The following ATM variants were observed in gnomAD, a reference collection of about 807,000 sequenced individuals.
ATM encodes the protein ATM serine/threonine kinase.
A neutral mutation model predicts 387.0 loss-of-function variants in ATM; 308 were observed. That is an observed-to-expected ratio of 0.80 (90% CI 0.73 to 0.87). The LOEUF (loss-of-function observed/expected upper bound fraction) is 0.87. Among genes scored for constraint, ATM ranks in the 40% least tolerant of loss-of-function variants. ATM has a pLI of 0.00. For synonymous variants in ATM, 1,156 were observed against 1,187.3 expected (o/e 0.97, Z 0.54); for missense variants, 3,312 against 3,560.9 (o/e 0.93, Z 1.78).
At chr11:108,341,556 GCTTC>G (rs754885741) in intron 56 of ATM, among the ~76,000 whole-genome samples, 1 of 152,014 alleles carries the variant, frequency 6.6e-6, no homozygotes, top group Non-Finnish European at 1.5e-5. Context: ...TTAATCAAAT[GCTTC>G]CTTAAGACAC....
chr11:108,349,581 T>G (rs1284118206), intron 59 of ATM, among the ~76,000 whole-genome samples: 1 of 152,078 alleles, frequency 6.6e-6, no homozygotes, highest in Non-Finnish European at 1.5e-5. Context: ...GAGAATCACT[T>G]GAACCCAGGA....
At chr11:108,243,075 G>A (rs1281793315) in intron 5 of ATM, among the ~76,000 whole-genome samples, 7 of 151,784 alleles carry the variant, frequency 4.6e-5, no homozygotes, top group Non-Finnish European at 8.8e-5. Flanking sequence ...CCAATCAGTT[G>A]GGTGTGGTGG....
At chr11:108,272,914 A>G in intron 22 of ATM, 62 bp downstream of exon 22, 1 of 1,600,706 alleles carries the variant, frequency 6.2e-7, no homozygotes, top group South Asian at 1.1e-5. Flanking sequence ...AATGTCTTAC[A>G]TAGTAACAGC....
chr11:108,356,963 A>T (rs2090020532), intron 61 of ATM, among the ~76,000 whole-genome samples: 1 of 152,240 alleles, frequency 6.6e-6, no homozygotes, highest in South Asian at 2.1e-4. Flanking sequence ...GAATAGGAAC[A>T]GCTCCGGTAT....
In ATM at chr11:108,282,708, A is replaced by G. The variant is rs887358871; in HGVS notation, c.3577-2A>G. ...AACACATTGACTTTTTGGTTCGTGC[A>G]GGTTTTAGAGAAAGTTTCTGAAACT... On this transcript the variant is annotated splice_acceptor_variant, in intron 24 of 62. Coordinates refer to ENST00000675843, the MANE Select transcript of ATM (RefSeq NM_000051.4). LOFTEE classifies it high-confidence loss of function. 1 of 1,612,730 alleles carries G rather than the reference A, an allele frequency of 6.2e-7. No homozygotes were observed.
chr11:108,335,790 T>C, intron 55 of ATM, 55 bp from the exon 56 acceptor site: 1 of 1,427,362 alleles, frequency 7.0e-7, no homozygotes, highest in Non-Finnish European at 9.8e-7. Flanking sequence ...GATGACTCTG[T>C]GTTTTTATAA....
chr11:108,246,555 G>A (rs1266527499), intron 7 of ATM, among the ~76,000 whole-genome samples: 1 of 152,224 alleles, frequency 6.6e-6, no homozygotes, highest in African/African-American at 2.4e-5. Flanking sequence ...AAAGATGACT[G>A]AAATGGTGAG....
Position 108,322,521 on chromosome 11 carries a change from G to A in ATM, c.6572+1101G>A, listed in dbSNP as rs895547166. Among the ~76,000 whole-genome samples the A allele has an allele frequency of 6.3e-4, 96 of 152,188 alleles. 4 individuals are homozygous for A. Among genetic ancestry groups the A allele is most frequent in the Non-Finnish European group, 1.5e-5 (1 of 68,030 alleles). Reference sequence around the variant, plus strand: ...AACATTCAGTGGATAGTGGATGTCAGTTAATTTGTAAAAGGTGTTCAGAAG... The same window carrying A: ...AACATTCAGTGGATAGTGGATGTCAATTAATTTGTAAAAGGTGTTCAGAAG... On this transcript the variant is annotated intron_variant, in intron 45 of 62. Transcript: ENST00000675843.
chr11:108,349,011 T>A (rs1372113635), intron 59 of ATM, among the ~76,000 whole-genome samples: 3 of 152,132 alleles, frequency 2.0e-5, no homozygotes. Context: ...GCAAATAGAT[T>A]TCAGTTGAAG....
intron 61 of ATM, among the ~76,000 whole-genome samples, chr11:108,361,307 C>G (rs2090718716): frequency 1.4e-5 from 2 of 139,240 alleles, no homozygotes; most frequent in East Asian, 2.1e-4. Flanking sequence ...AGGATACAAA[C>G]AAATGGAAGA....
In ATM at chr11:108,250,722, A is replaced by G. The variant is rs779037197; in HGVS notation, c.1257A>G (p.Leu419=). ...TTAGGCTACAGATTGCAACCCAATT[A>G]ATATCAAAGTATCCTGCAAGTTTAC... ...LVPWLQIATQ[L]ISKYPASLPN... The change falls in exon 10 of 63, where the codon TTA becomes TTG. Residue 419 remains leucine (L), a synonymous_variant. Coordinates refer to ENST00000675843, the MANE Select transcript of ATM (RefSeq NM_000051.4). 1 of 1,605,320 alleles carries G rather than the reference A, an allele frequency of 6.2e-7. No homozygotes were observed. Among genetic ancestry groups the G allele is most frequent in the Admixed American group, 1.7e-5 (1 of 59,432 alleles).
rs1433938026 is a variant in ATM, at chr11:108,331,891, AT to A, written c.7645del (p.Ser2549GlnfsTer15). ...HEVLNNLISR[I>X]SMDHPHHTLF... ...TCTTTTCTTACAGCTAATCTCTAGA[AT>A]TTCAATGGATCACCCCCATCACACT... On this transcript the variant is annotated frameshift_variant, in exon 52 of 63. Coordinates refer to ENST00000675843, the MANE Select transcript of ATM (RefSeq NM_000051.4). LOFTEE classifies it high-confidence loss of function. The A allele has an allele frequency of 6.2e-7, 1 of 1,613,404 alleles. No individual in the cohort carries two copies. The highest frequency in any genetic ancestry group is 1.7e-5 in the Admixed American group (1 of 59,996).
intron 22 of ATM, among the ~76,000 whole-genome samples, chr11:108,276,759 G>A (rs752726923): frequency 4.3e-4 from 66 of 152,110 alleles, no homozygotes; most frequent in Admixed American, 1.3e-3. Context: ...AGCGGCACCC[G>A]CCAGATGGCA....
At chr11:108,347,509 C>G (rs1400259388) in intron 59 of ATM, 144 bp downstream of exon 59, 1 of 690,668 alleles carries the variant, frequency 1.4e-6, no homozygotes, top group Admixed American at 2.6e-5. Context: ...TCAGCATAAA[C>G]AGTTGTCCTA....
rs3212322 is a variant in ATM at position 108,325,985 on chromosome 11, CATT to C, written c.6808-60_6808-58del. 0.55 allele frequency: 845,083 copies of C among 1,535,810 alleles called. 237,239 individuals carry two copies. Among genetic ancestry groups the C allele is most frequent in the Middle Eastern group, 0.71 (3,953 of 5,538 alleles). ...CTCAATGAATGGTAGTTGCTGCTTT[CATT>C]ATTATTATTATTCATGGTAGTAGTA... On this transcript the variant is annotated intron_variant, in intron 46 of 62. Coordinates refer to ENST00000675843, the MANE Select transcript of ATM (RefSeq NM_000051.4).
intron 61 of ATM, among the ~76,000 whole-genome samples, chr11:108,357,152 GT>G (rs1169387822): frequency 6.6e-6 from 1 of 152,236 alleles, no homozygotes; most frequent in Non-Finnish European, 1.5e-5. Context: ...GGGTCAGGGA[GT>G]TCCCTTTCCT....
chr11:108,288,502 T>TTC (rs200905428), intron 27 of ATM, among the ~76,000 whole-genome samples: 397 of 25,020 alleles, frequency 0.016, 2 homozygotes, highest in African/African-American at 0.053. Context: ...TATGCTTTAC[T>TTC]TTTTTTTTTT....
chr11:108,245,627 A>G (rs1341209981), intron 7 of ATM, among the ~76,000 whole-genome samples: 1 of 151,998 alleles, frequency 6.6e-6, no homozygotes, highest in Non-Finnish European at 1.5e-5. Flanking sequence ...AGTATTGCCC[A>G]GAAGGTATAG....
At chr11:108,274,964 G>A (rs565374973) in intron 22 of ATM, among the ~76,000 whole-genome samples, 1 of 152,252 alleles carries the variant, frequency 6.6e-6, no homozygotes, top group Non-Finnish European at 1.5e-5. Context: ...TATTGATGGT[G>A]GGGTGTTAAA....
Sources: gnomAD v4.1 joint callset for allele counts (sites outside exome capture counted in the v4.1 genomes callset) on GRCh38, gnomAD v4.1.1 for gene constraint, MANE v1.5 for transcripts, NCBI Gene and HGNC (gene_info 2026-07-23, HGNC 2026-07-21) for gene names.